Variants in DIAPH1 observed in about 807,000 individuals in gnomAD.
DIAPH1 encodes the protein protein diaphanous homolog 1.
In DIAPH1, 46 loss-of-function variants were observed where a neutral mutation model predicts 140.7. That is an observed-to-expected ratio of 0.33 (90% CI 0.26 to 0.42). The LOEUF (loss-of-function observed/expected upper bound fraction) is 0.42. Ranked by LOEUF, DIAPH1 falls within the 10% of genes least tolerant of loss-of-function variation. The pLI, the probability that DIAPH1 is intolerant of heterozygous loss-of-function variation, is 1.00. For missense variants in DIAPH1, 1,310 were observed against 1,558.7 expected (o/e 0.84, Z 2.69); for synonymous variants, 565 against 551.6 (o/e 1.02, Z -0.34).
chr5:141,603,010 C>T (rs1385303828), intron 1 of DIAPH1, among the ~76,000 whole-genome samples: 1 of 152,036 alleles, frequency 6.6e-6, no homozygotes, highest in Non-Finnish European at 1.5e-5. Context: ...AAGGGTACCT[C>T]AGAGGAAAGG....
At chr5:141,525,699 C>T (rs2099887232) in intron 26 of DIAPH1, among the ~76,000 whole-genome samples, 2 of 151,846 alleles carry the variant, frequency 1.3e-5, no homozygotes, top group Non-Finnish European at 1.5e-5. Flanking sequence ...GAAAAAAACC[C>T]GAAAGATTTA....
At chr5:141,535,310 G>A (rs1268369642) in intron 18 of DIAPH1, among the ~76,000 whole-genome samples, 1 of 152,134 alleles carries the variant, frequency 6.6e-6, no homozygotes, top group African/African-American at 2.4e-5. Context: ...AACTGCCTAT[G>A]ATTGAGGTAA....
intron 27 of DIAPH1, among the ~76,000 whole-genome samples, chr5:141,522,773 G>A (rs574276536): frequency 1.3e-5 from 2 of 152,044 alleles, no homozygotes; most frequent in East Asian, 3.9e-4. Context: ...CTAAATGCTC[G>A]AGCCCAGAGA....
At chr5:141,617,270 G>A (rs1023250481) in intron 1 of DIAPH1, among the ~76,000 whole-genome samples, 2 of 150,496 alleles carry the variant, frequency 1.3e-5, no homozygotes, top group African/African-American at 2.5e-5. Flanking sequence ...GAAGGAGGGG[G>A]TGTCAATACC....
intron 18 of DIAPH1, among the ~76,000 whole-genome samples, chr5:141,544,233 C>A (rs2099890442): frequency 6.6e-6 from 1 of 152,086 alleles, no homozygotes; most frequent in Non-Finnish European, 1.5e-5. Flanking sequence ...TGGTGTGAAA[C>A]TGGGAAGTGG....
At chr5:141,539,900 T>A (rs2099889711) in intron 18 of DIAPH1, among the ~76,000 whole-genome samples, 1 of 151,966 alleles carries the variant, frequency 6.6e-6, no homozygotes, top group South Asian at 2.1e-4. Context: ...TCTCTATTTT[T>A]TTTTTCTATT....
chr5:141,551,768 C>A (rs749496603), intron 18 of DIAPH1, among the ~76,000 whole-genome samples: 16 of 152,110 alleles, frequency 1.1e-4, no homozygotes, highest in Non-Finnish European at 1.8e-4. Flanking sequence ...AAATAGAATA[C>A]AGAAAATTCA....
chr5:141,607,050 T>C (rs1335041492), intron 1 of DIAPH1, among the ~76,000 whole-genome samples: 1 of 149,944 alleles, frequency 6.7e-6, no homozygotes, highest in Non-Finnish European at 1.5e-5. Context: ...ATAAAATACA[T>C]AAAGGATATT....
chr5:141,583,098 C>T (rs570383263), intron 6 of DIAPH1, 108 bp downstream of exon 6: 3 of 967,870 alleles, frequency 3.1e-6, no homozygotes, highest in African/African-American at 3.2e-5. Flanking sequence ...ACAGTACATT[C>T]CCCTAGCCCA....
chr5:141,537,721 A>G (rs1350323452), intron 18 of DIAPH1, among the ~76,000 whole-genome samples: 1 of 152,168 alleles, frequency 6.6e-6, no homozygotes, highest in Non-Finnish European at 1.5e-5. Flanking sequence ...AGAGACTTAA[A>G]TGGAAAAAAA....
rs78148258 is a variant in DIAPH1 at position 141,584,066 on chromosome 5, A to C, written c.402+58T>G. 167 of 1,123,242 alleles carry C rather than the reference A, an allele frequency of 1.5e-4. 1 individual carries two copies. In the South Asian group the frequency reaches 2.1e-3, roughly 14 times the overall value. 69.6% of individuals were successfully genotyped at this position (1,123,242 alleles called of 1,614,324 possible). On this transcript the variant is annotated intron_variant, in intron 4 of 27. Coordinates refer to ENST00000389054, the MANE Select transcript of DIAPH1 (RefSeq NM_005219.5). ...GTTACATAAAATTGGCAAAAAAAAA[A>C]CAGGTCCAAGACAAGGGCACAGTCT...
At chr5:141,607,686 C>T (rs2099901191) in intron 1 of DIAPH1, among the ~76,000 whole-genome samples, 3 of 152,224 alleles carry the variant, frequency 2.0e-5, no homozygotes, top group Admixed American at 1.3e-4. Context: ...AATGGTTCTA[C>T]TAAACCTCAT....
chr5:141,595,912 G>A (rs1397395648), intron 1 of DIAPH1, among the ~76,000 whole-genome samples: 2 of 152,204 alleles, frequency 1.3e-5, no homozygotes, highest in Non-Finnish European at 2.9e-5. Flanking sequence ...GACTGGCTGT[G>A]GTGGCTCACA....
intron 21 of DIAPH1, 26 bp downstream of exon 21, chr5:141,529,146 C>T (rs199830153): frequency 1.0e-4 from 163 of 1,604,858 alleles, no homozygotes; most frequent in South Asian, 1.4e-4. Flanking sequence ...GGTGGAAAAC[C>T]GCTTACTGCC....
chr5:141,574,113 A>C lies in DIAPH1; in HGVS notation c.1737T>G (p.Arg579=), dbSNP rs1178962340. 1.2e-6 allele frequency: 2 copies of C among 1,613,964 alleles called. No homozygotes were observed. The highest frequency in any genetic ancestry group is 2.7e-5 in the African/African-American group (2 of 74,886). Residue 579 remains arginine, a synonymous_variant, in exon 16 of 28, where the codon CGT becomes CGG. Transcript: ENST00000389054. ...AAGGAGGGGCAGGGGGAACAGGAGC[A>C]CGACTAGGAACAGAAGGAGGTACAG... ...AITVPPSVPS[R]APVPPAPPLP...
At chr5:141,536,170 C>T (rs1375348325) in intron 18 of DIAPH1, 9 of 359,294 alleles carry the variant, frequency 2.5e-5, no homozygotes, top group South Asian at 1.1e-4. Context: ...GGCATGGTGG[C>T]GCGCACCTGT....
chr5:141,582,653 T>C (rs1047369206), intron 6 of DIAPH1, among the ~76,000 whole-genome samples: 5 of 152,216 alleles, frequency 3.3e-5, no homozygotes, highest in African/African-American at 1.2e-4. Context: ...CTAAATTCTA[T>C]CAGGATAACA....
chr5:141,545,066 GCTA>G (rs1404359354), intron 18 of DIAPH1, among the ~76,000 whole-genome samples: 3 of 152,144 alleles, frequency 2.0e-5, no homozygotes, highest in Non-Finnish European at 4.4e-5. Flanking sequence ...GACTGAAAAG[GCTA>G]CTTAGTGTAT....
At chr5:141,523,445 C>T (rs946052475) in intron 27 of DIAPH1, among the ~76,000 whole-genome samples, 6 of 152,168 alleles carry the variant, frequency 3.9e-5, no homozygotes, top group Non-Finnish European at 8.8e-5. Flanking sequence ...TTAATCTTTT[C>T]CCATACTAAT....
Sources: allele counts gnomAD v4.1 joint callset (sites outside exome capture counted in the v4.1 genomes callset), GRCh38; gene constraint gnomAD v4.1.1; transcripts MANE v1.5; gene names NCBI Gene and HGNC (gene_info 2026-07-23, HGNC 2026-07-21).